Variants in STON2 observed in about 807,000 individuals in gnomAD.
STON2 encodes the protein stonin 2, also known as stonin-2.
Under a neutral mutation model 65.7 loss-of-function variants are expected in STON2, and 29 were observed. The observed-to-expected ratio is 0.44, with a 90% confidence interval of 0.33 to 0.60. STON2 has a LOEUF of 0.60. Among genes scored for constraint, STON2 ranks in the 20% least tolerant of loss-of-function variants. The probability of loss-of-function intolerance (pLI) is 0.03; values close to 1 mark genes in which losing one functional copy is unlikely to be tolerated. For synonymous variants in STON2, 404 were observed against 414.2 expected (o/e 0.98, Z 0.30); for missense variants, 1,054 against 1,118.1 (o/e 0.94, Z 0.82).
rs1595260068 is a variant in STON2 at position 81,265,232 on chromosome 14, T to A, written c.*3182A>T. On this transcript the variant is annotated 3_prime_UTR_variant, in exon 8 of 8. Transcript: ENST00000614646. ...AAGTTATTTAAACCTAGTAAAACAC[T>A]CATTACGTCTAAAAATATATAGTAT... is the stretch of plus-strand genomic sequence containing the variant. 2.0e-6 allele frequency: 2 copies of A among 983,844 alleles called. No individual in the cohort carries two copies. The highest frequency in any genetic ancestry group is 1.1e-4 in the East Asian group (1 of 8,808). The allele number at this position is 983,844 out of a possible 1,614,324, so 60.9% of individuals were successfully genotyped here.
intron 5 of STON2, among the ~76,000 whole-genome samples, chr14:81,316,768 A>C (rs1176195666): frequency 3.3e-5 from 5 of 152,146 alleles, no homozygotes; most frequent in East Asian, 1.9e-4. Context: ...CGCCTGTAAT[A>C]CCAGCACTTT....
At chr14:81,321,220 C>T (rs571090255) in intron 5 of STON2, among the ~76,000 whole-genome samples, 9 of 152,124 alleles carry the variant, frequency 5.9e-5, no homozygotes, top group Admixed American at 1.3e-4. Flanking sequence ...TGGATGGCTC[C>T]GCTCAAATTC....
intron 5 of STON2, among the ~76,000 whole-genome samples, chr14:81,322,697 C>T (rs943708528): frequency 6.6e-6 from 1 of 152,208 alleles, no homozygotes; most frequent in Non-Finnish European, 1.5e-5. Flanking sequence ...GAGAAATTTT[C>T]ACCCTACCTG....
chr14:81,288,183 C>A (rs1423739767), intron 5 of STON2, among the ~76,000 whole-genome samples: 1 of 152,150 alleles, frequency 6.6e-6, no homozygotes, highest in Non-Finnish European at 1.5e-5. Context: ...GCAAAAAGCA[C>A]CTGTTTCCTT....
intron 3 of STON2, among the ~76,000 whole-genome samples, chr14:81,386,743 T>C (rs1010492933): frequency 3.3e-5 from 5 of 152,218 alleles, no homozygotes; most frequent in African/African-American, 4.8e-5. Context: ...GGTCAGCATA[T>C]GAGTGAACAG....
In STON2 at chr14:81,277,620, A is replaced by G. The variant is rs1275314084; in HGVS notation, c.1862T>C (p.Leu621Pro). The G allele has an allele frequency of 6.2e-7, 1 of 1,614,178 alleles. No individual in the cohort carries two copies. The highest frequency in any genetic ancestry group is 1.1e-5 in the South Asian group (1 of 91,088). The part of the protein sequence containing the change: ...VLSMDLSTVG[L>P]NYLEEEITVD... ...TGTAATCTCCTCTTCAAGGTAGTTG[A>G]GGCCAACTGTGCTCAAGTCCATTGA... Residue 621 changes from leucine (L) to proline (P), a missense_variant, in exon 6 of 8, where the codon CTC (leucine) becomes CCC (proline). Leu to Pro is a moderately conservative substitution (Grantham distance 98). Coordinates refer to ENST00000614646, the MANE Select transcript of STON2 (RefSeq NM_001394390.1).
At chr14:81,301,929 C>T (rs891855042) in intron 5 of STON2, among the ~76,000 whole-genome samples, 13 of 152,186 alleles carry the variant, frequency 8.5e-5, no homozygotes, top group African/African-American at 2.9e-4. Flanking sequence ...GGCTAAACAG[C>T]TTAAGCCTAG....
chr14:81,384,736 TAC>T (rs1251309631), intron 3 of STON2, among the ~76,000 whole-genome samples: 1 of 152,206 alleles, frequency 6.6e-6, no homozygotes, highest in East Asian at 1.9e-4. Flanking sequence ...TGTCAGCTAA[TAC>T]AGTATTTTTC....
At chr14:81,325,458 CTTATAAAAAATTCA>C (rs1006886117) in intron 4 of STON2, among the ~76,000 whole-genome samples, 16 of 150,686 alleles carry the variant, frequency 1.1e-4, no homozygotes, top group African/African-American at 3.9e-4. Flanking sequence ...TTTTTTTGAA[CTTATAAAAAATTCA>C]TTATAAAAAA....
At chr14:81,415,228 T>G (rs1462063728) in intron 2 of STON2, among the ~76,000 whole-genome samples, 2 of 151,524 alleles carry the variant, frequency 1.3e-5, no homozygotes, top group Non-Finnish European at 2.9e-5. Context: ...CCTTTGTTCC[T>G]CTTATCAACC....
intron 3 of STON2, among the ~76,000 whole-genome samples, chr14:81,386,797 TA>T (rs1442738193): frequency 2.0e-5 from 3 of 152,204 alleles, no homozygotes; most frequent in Admixed American, 6.5e-5. Context: ...TTTTTCTTTT[TA>T]AATTTTAAGG....
chr14:81,287,145 G>C (rs1250456602), intron 5 of STON2, among the ~76,000 whole-genome samples: 1 of 152,196 alleles, frequency 6.6e-6, no homozygotes, highest in African/African-American at 2.4e-5. Context: ...GGAGGAGTTA[G>C]TCATATCAAG....
chr14:81,422,061 T>C (rs1282350603), intron 2 of STON2, among the ~76,000 whole-genome samples: 1 of 152,210 alleles, frequency 6.6e-6, no homozygotes, highest in Non-Finnish European at 1.5e-5. Context: ...GCCTGGATTA[T>C]CTTAGAACTC....
chr14:81,398,896 A>T (rs1028102023), intron 1 of STON2, among the ~76,000 whole-genome samples: 28 of 152,380 alleles, frequency 1.8e-4, no homozygotes, highest in African/African-American at 6.5e-4. Flanking sequence ...TGCTAAACAA[A>T]TATTAAAACT....
At chr14:81,433,353 C>A (rs1902290759) in intron 1 of STON2, among the ~76,000 whole-genome samples, 1 of 152,200 alleles carries the variant, frequency 6.6e-6, no homozygotes, top group Non-Finnish European at 1.5e-5. Flanking sequence ...CACCTGGCCA[C>A]TAGAAATGTG....
intron 2 of STON2, among the ~76,000 whole-genome samples, chr14:81,410,278 CAAAAAAAAAA>C (rs1161157573): frequency 8.1e-4 from 37 of 45,778 alleles, no homozygotes; most frequent in African/African-American, 2.1e-3. Context: ...TAACTCTAAC[CAAAAAAAAAA>C]AAAAAAAAAA....
At chr14:81,298,466 T>C (rs1488793069) in intron 5 of STON2, among the ~76,000 whole-genome samples, 1 of 151,864 alleles carries the variant, frequency 6.6e-6, no homozygotes, top group Non-Finnish European at 1.5e-5. Flanking sequence ...GAATTACCCC[T>C]GAGCAAAGTC....
chr14:81,352,512 C>T (rs1337923148), intron 4 of STON2, among the ~76,000 whole-genome samples: 2 of 152,148 alleles, frequency 1.3e-5, no homozygotes, highest in African/African-American at 4.8e-5. Context: ...ACTGAAAAAA[C>T]ACAGCATCTT....
At chr14:81,418,484 C>T (rs966598673) in intron 2 of STON2, among the ~76,000 whole-genome samples, 1 of 152,060 alleles carries the variant, frequency 6.6e-6, no homozygotes. Flanking sequence ...GAACTGGAAG[C>T]TTGATTGCAA....
Sources: gnomAD v4.1 joint callset for allele counts (sites outside exome capture counted in the v4.1 genomes callset) on GRCh38, gnomAD v4.1.1 for gene constraint, MANE v1.5 for transcripts, NCBI Gene and HGNC (gene_info 2026-07-23, HGNC 2026-07-21) for gene names.